The following RALYL variants were observed in gnomAD, a reference collection of about 807,000 sequenced individuals.
The protein encoded by RALYL is RALY RNA binding protein like, also known as RNA-binding Raly-like protein.
A neutral mutation model predicts 35.1 loss-of-function variants in RALYL; 29 were observed. The observed-to-expected ratio is 0.83, with a 90% CI of 0.61 to 1.13. RALYL has a LOEUF of 1.13. Ranked by LOEUF, RALYL falls within the 50% of genes most tolerant of loss-of-function variation. The probability of loss-of-function intolerance (pLI) is 0.00; values close to 1 mark genes in which losing one functional copy is unlikely to be tolerated. For missense variants in RALYL, 359 were observed against 360.4 expected, an observed-to-expected ratio of 1.00 and a Z score of 0.03; for synonymous variants, 120 against 127.6, an observed-to-expected ratio of 0.94 and a Z score of 0.40.
chr8:84,351,627 A>AT (rs1186906930), intron 1 of RALYL, among the ~76,000 whole-genome samples: 9 of 145,574 alleles, frequency 6.2e-5, no homozygotes, highest in Non-Finnish European at 9.0e-5. Context: ...TGTTAATTCG[A>AT]TTTTTTTTCT....
intron 8 of RALYL, among the ~76,000 whole-genome samples, chr8:84,897,279 C>T (rs2135522328): frequency 6.6e-6 from 1 of 152,240 alleles, no homozygotes; most frequent in South Asian, 2.1e-4. Context: ...GTGAAGCTTT[C>T]AATAAAACAT....
rs1202031737 is a variant in RALYL, at chr8:84,523,853, T to A, written c.-23-5446T>A. ...CTACAAAGGACATGAACTCATCATTTTTTATGGCTGCATAGTATTCCATGT... is the reference window on the plus strand; with the variant it reads ...CTACAAAGGACATGAACTCATCATTATTTATGGCTGCATAGTATTCCATGT... On this transcript the variant is annotated intron_variant, in intron 1 of 8. Transcript: ENST00000521268. Among the ~76,000 whole-genome samples, 4 of 152,094 alleles carry A rather than the reference T, an allele frequency of 2.6e-5. No homozygotes were observed. The East Asian group carries it at 5.8e-4, about 22-fold the overall frequency.
chr8:84,200,016 C>T (rs1288183848), intron 1 of RALYL, among the ~76,000 whole-genome samples: 1 of 133,570 alleles, frequency 7.5e-6, no homozygotes, highest in African/African-American at 2.9e-5. Flanking sequence ...TTGAAAATCC[C>T]AGTACTTATT....
In RALYL at chr8:84,608,009, G is replaced by C. The variant is rs151120554; in HGVS notation, c.256+78432G>C. On this transcript the variant is annotated intron_variant, in intron 2 of 8. Coordinates refer to ENST00000521268, the MANE Select transcript of RALYL (RefSeq NM_173848.7). Reference sequence around the variant, plus strand: ...TGAGTACTCAGTCAATTGCTGTGAAGTTTCTAAGCTCTTATTCTCAATTTT... The same window carrying C: ...TGAGTACTCAGTCAATTGCTGTGAACTTTCTAAGCTCTTATTCTCAATTTT... Among the ~76,000 whole-genome samples the C allele has an allele frequency of 4.9e-3, 751 of 151,784 alleles. 1 individual carries two copies. Among genetic ancestry groups the C allele is most frequent in the Admixed American group, 8.1e-3 (123 of 15,240 alleles).
intron 1 of RALYL, among the ~76,000 whole-genome samples, chr8:84,510,739 G>A (rs1305548186): frequency 6.6e-6 from 1 of 152,076 alleles, no homozygotes; most frequent in Non-Finnish European, 1.5e-5. Flanking sequence ...GAACCTGGGA[G>A]GTGGAGGTTG....
chr8:84,233,663 C>T (rs1372408617), intron 1 of RALYL, among the ~76,000 whole-genome samples: 1 of 152,114 alleles, frequency 6.6e-6, no homozygotes, highest in Non-Finnish European at 1.5e-5. Context: ...TTGTCTTAGC[C>T]AACATCAGTA....
rs559828904 is a variant in RALYL at position 84,281,281 on chromosome 8, A to T, written c.-24+96857A>T. On this transcript the variant is annotated intron_variant, in intron 1 of 8. Transcript: ENST00000521268. ...AATTTTAGATACATGAACAAACATG[A>T]GGTTATTTTTAATGTTGATTTTATT... Among the ~76,000 whole-genome samples the T allele has an allele frequency of 1.6e-4, 24 of 152,244 alleles. No homozygotes were observed. The South Asian group carries it at 4.6e-3, about 29-fold the overall frequency.
chr8:84,811,334 G>A (rs1425803137), intron 4 of RALYL, among the ~76,000 whole-genome samples: 1 of 152,136 alleles, frequency 6.6e-6, no homozygotes, highest in East Asian at 1.9e-4. Context: ...AGAGGCTGAA[G>A]ATAGGACCCC....
chr8:84,798,970 T>C (rs1005504557), intron 3 of RALYL, among the ~76,000 whole-genome samples: 1 of 152,138 alleles, frequency 6.6e-6, no homozygotes, highest in African/African-American at 2.4e-5. Context: ...GCTGAGAAGG[T>C]ACACTGGAAC....
At chr8:84,513,310 T>C (rs936085201) in intron 1 of RALYL, among the ~76,000 whole-genome samples, 1 of 152,182 alleles carries the variant, frequency 6.6e-6, no homozygotes, top group Non-Finnish European at 1.5e-5. Context: ...ATTTATTTTT[T>C]AGCTAGTTTG....
chr8:84,873,153 A>T, intron 6 of RALYL, 131 bp from the exon 7 acceptor site: 1 of 506,074 alleles, frequency 2.0e-6, no homozygotes, highest in Non-Finnish European at 3.6e-6. Flanking sequence ...TGTGAAGTTG[A>T]TAAAATTGAA....
At chr8:84,861,059 G>C (rs1024608816) in intron 5 of RALYL, among the ~76,000 whole-genome samples, 1 of 151,852 alleles carries the variant, frequency 6.6e-6, no homozygotes, top group Non-Finnish European at 1.5e-5. Context: ...ACCTATTATA[G>C]AACTTGTTTT....
intron 8 of RALYL, 48 bp downstream of exon 8, chr8:84,887,824 G>C (rs773023982): frequency 2.0e-6 from 3 of 1,477,520 alleles, no homozygotes; most frequent in Non-Finnish European, 2.8e-6. Context: ...AACAACACTA[G>C]CATGTTAGCA....
intron 1 of RALYL, among the ~76,000 whole-genome samples, chr8:84,461,004 T>C (rs1454267797): frequency 1.3e-5 from 2 of 151,366 alleles, no homozygotes; most frequent in Admixed American, 1.3e-4. Flanking sequence ...TTGCTAAAGG[T>C]GGTAGGATTG....
intron 2 of RALYL, among the ~76,000 whole-genome samples, chr8:84,637,279 T>G (rs1317317990): frequency 6.6e-6 from 1 of 151,922 alleles, no homozygotes; most frequent in Non-Finnish European, 1.5e-5. Flanking sequence ...ACCTGTGTTT[T>G]CAGGTATTTA....
intron 2 of RALYL, among the ~76,000 whole-genome samples, chr8:84,661,129 C>T (rs1164290255): frequency 6.6e-6 from 1 of 151,910 alleles, no homozygotes; most frequent in Non-Finnish European, 1.5e-5. Context: ...GGGGTTTCAC[C>T]GTGTTAGCCA....
At chr8:84,334,414 G>C (rs1361969356) in intron 1 of RALYL, among the ~76,000 whole-genome samples, 1 of 151,494 alleles carries the variant, frequency 6.6e-6, no homozygotes, top group Non-Finnish European at 1.5e-5. Context: ...TAAATTTAGA[G>C]CAAATTACAA....
At chr8:84,491,747 A>G (rs766374842) in intron 1 of RALYL, among the ~76,000 whole-genome samples, 4 of 152,056 alleles carry the variant, frequency 2.6e-5, no homozygotes, top group Admixed American at 6.6e-5. Flanking sequence ...TATAAGATAA[A>G]TAGTTTCCTA....
At chr8:84,419,885 T>C (rs1453597965) in intron 1 of RALYL, among the ~76,000 whole-genome samples, 1 of 151,914 alleles carries the variant, frequency 6.6e-6, no homozygotes, top group African/African-American at 2.4e-5. Context: ...TCATCATTTT[T>C]TATGGCTGCA....
Sources: gnomAD v4.1 joint callset for allele counts (sites outside exome capture counted in the v4.1 genomes callset) on GRCh38, gnomAD v4.1.1 for gene constraint, MANE v1.5 for transcripts, NCBI Gene and HGNC (gene_info 2026-07-23, HGNC 2026-07-21) for gene names.